The following LRRC37A2 variants were observed in gnomAD, a reference collection of about 807,000 sequenced individuals.
LRRC37A2 encodes the protein leucine rich repeat containing 37 member A2.
A neutral mutation model predicts 68.8 loss-of-function variants in LRRC37A2; 9 were observed. The ratio of observed to expected loss-of-function variants is 0.13; its 90% CI spans 0.08 to 0.23. The LOEUF is 0.23. Among genes scored for constraint, LRRC37A2 ranks in the 10% least tolerant of loss-of-function variants. LRRC37A2 has a pLI of 1.00. For missense variants in LRRC37A2, 168 were observed against 950.4 expected, an observed-to-expected ratio of 0.18 and a Z score of 10.82; for synonymous variants, 63 against 367.6, an observed-to-expected ratio of 0.17 and a Z score of 9.48.
the LRRC37A2 span, among the ~76,000 whole-genome samples, chr17:46,890,622 C>T: frequency 6.6e-6 from 1 of 152,212 alleles, no homozygotes. Context: ...CTGTGCTCAG[C>T]CCCTGAACCG....
chr17:46,601,842 G>C, the LRRC37A2 span, among the ~76,000 whole-genome samples: 5 of 150,456 alleles, frequency 3.3e-5, no homozygotes, highest in Admixed American at 2.0e-4. Flanking sequence ...GCTCTTTTCC[G>C]TATGAATTCT....
chr17:46,934,096 G>A, the LRRC37A2 span, among the ~76,000 whole-genome samples: 1 of 152,210 alleles, frequency 6.6e-6, no homozygotes, highest in African/African-American at 2.4e-5. Flanking sequence ...CAGGATGGGC[G>A]TTGGTGTTTC....
the LRRC37A2 span, chr17:47,019,725 G>C: frequency 3.4e-6 from 3 of 875,768 alleles, no homozygotes; most frequent in Non-Finnish European, 3.6e-6. Context: ...GTCATGTATT[G>C]ATCTCAACCC....
chr17:46,779,760 CTT>C, the LRRC37A2 span, among the ~76,000 whole-genome samples: 1 of 151,782 alleles, frequency 6.6e-6, no homozygotes, highest in African/African-American at 2.4e-5. Context: ...CAGAGAGGAC[CTT>C]TTTTTTTCTT....
chr17:47,038,085 C>T, the LRRC37A2 span, among the ~76,000 whole-genome samples: 1 of 152,120 alleles, frequency 6.6e-6, no homozygotes, highest in Admixed American at 6.5e-5. Flanking sequence ...GGGAGGATTG[C>T]TTGACCCCAG....
the LRRC37A2 span, among the ~76,000 whole-genome samples, chr17:46,866,770 C>A: frequency 6.6e-6 from 1 of 152,120 alleles, no homozygotes; most frequent in Non-Finnish European, 1.5e-5. Flanking sequence ...CTAGAAACCA[C>A]CTGCCTTGTC....
At chr17:46,722,297 T>G in the LRRC37A2 span, 1 of 771,270 alleles carries the variant, frequency 1.3e-6, no homozygotes, top group African/African-American at 1.7e-5. Context: ...CTTACCTTCT[T>G]ACCTCCAGCC....
chr17:46,852,420 G>A, the LRRC37A2 span, among the ~76,000 whole-genome samples: 1 of 150,880 alleles, frequency 6.6e-6, no homozygotes, highest in East Asian at 1.9e-4. Flanking sequence ...GTGTGTGTGT[G>A]TGTGTGTGTG....
the LRRC37A2 span, among the ~76,000 whole-genome samples, chr17:46,981,271 G>A: frequency 8.6e-6 from 1 of 115,870 alleles, no homozygotes; most frequent in South Asian, 2.8e-4. Context: ...GTCTCCCCAA[G>A]TTCATCTGTT....
chr17:47,018,349 C>A, the LRRC37A2 span: 2 of 1,611,232 alleles, frequency 1.2e-6, no homozygotes, highest in Non-Finnish European at 1.7e-6. Context: ...CCAGGTCAGC[C>A]TCTAGAACAT....
the LRRC37A2 span, among the ~76,000 whole-genome samples, chr17:46,864,957 T>C: frequency 2.0e-5 from 3 of 152,104 alleles, no homozygotes; most frequent in African/African-American, 7.2e-5. Context: ...TAACGTATAA[T>C]GGTTTGAATG....
At chr17:46,550,842 A>G (rs1037748471) in intron 11 of LRRC37A2, among the ~76,000 whole-genome samples, 2 of 132,782 alleles carry the variant, frequency 1.5e-5, no homozygotes, top group African/African-American at 6.2e-5. Context: ...TCTGCCACTA[A>G]TTTATTTCCT....
chr17:46,826,386 T>G, the LRRC37A2 span, among the ~76,000 whole-genome samples: 149,625 of 152,380 alleles, frequency 0.98, 73,459 homozygotes, highest in Middle Eastern at 1. Flanking sequence ...GCACAGACGT[T>G]GGAGGGCCCT....
the LRRC37A2 span, among the ~76,000 whole-genome samples, chr17:46,800,297 G>C: frequency 6.6e-6 from 1 of 152,118 alleles, no homozygotes; most frequent in Non-Finnish European, 1.5e-5. Context: ...TTTTAGTAGA[G>C]ACGGGGTTTC....
At chr17:46,740,281 C>T in the LRRC37A2 span, among the ~76,000 whole-genome samples, 1 of 152,104 alleles carries the variant, frequency 6.6e-6, no homozygotes, top group African/African-American at 2.4e-5. Flanking sequence ...AATGTGGGCT[C>T]TGTAGGGTTA....
the LRRC37A2 span, among the ~76,000 whole-genome samples, chr17:47,001,762 A>G: frequency 8.2e-6 from 1 of 122,388 alleles, no homozygotes; most frequent in East Asian, 2.3e-4. Flanking sequence ...TCACTCTGTC[A>G]CCAGGCCGGA....
chr17:46,748,557 A>G, the LRRC37A2 span, among the ~76,000 whole-genome samples: 2 of 152,304 alleles, frequency 1.3e-5, no homozygotes, highest in East Asian at 1.9e-4. Context: ...TACATGCAGC[A>G]TAGACAGGGG....
At chr17:46,745,189 G>A in the LRRC37A2 span, among the ~76,000 whole-genome samples, 1 of 152,222 alleles carries the variant, frequency 6.6e-6, no homozygotes, top group Non-Finnish European at 1.5e-5. Context: ...GCTGCTGGCA[G>A]TGTTTCCCTT....
chr17:46,740,618 G>A, the LRRC37A2 span, among the ~76,000 whole-genome samples: 1 of 151,302 alleles, frequency 6.6e-6, no homozygotes, highest in African/African-American at 2.4e-5. Flanking sequence ...TTCCTTTAAG[G>A]TATTAAGAAT....
Sources: allele counts gnomAD v4.1 joint callset (sites outside exome capture counted in the v4.1 genomes callset), GRCh38; gene constraint gnomAD v4.1.1; transcripts MANE v1.5; gene names NCBI Gene and HGNC (gene_info 2026-07-23, HGNC 2026-07-21).